TTC39B: variants seen among roughly 807,000 people sequenced by gnomAD.
TTC39B encodes tetratricopeptide repeat protein 39B.
In TTC39B, 92 loss-of-function variants were observed where a neutral mutation model predicts 96.6. The ratio of observed to expected loss-of-function variants is 0.95; its 90% CI spans 0.80 to 1.13. The LOEUF (loss-of-function observed/expected upper bound fraction) is 1.13, where lower values mean the gene tolerates loss of function less well. Ranked by LOEUF, TTC39B falls within the 50% of genes most tolerant of loss-of-function variation. TTC39B has a pLI of 0.00. For synonymous variants in TTC39B, 367 were observed against 299.4 expected, an observed-to-expected ratio of 1.23 and a Z score of -2.33; for missense variants, 955 against 809.3, an observed-to-expected ratio of 1.18 and a Z score of -2.18.
At chr9:15,218,614 T>C (rs907868737) in intron 3 of TTC39B, among the ~76,000 whole-genome samples, 20 of 144,288 alleles carry the variant, frequency 1.4e-4, no homozygotes, top group African/African-American at 5.1e-4. Flanking sequence ...TAAGGCAGGA[T>C]GAATTTTTTA....
chr9:15,199,873 T>C, exon 8 of TTC39B: 1 of 1,530,090 alleles, frequency 6.5e-7, no homozygotes, highest in Non-Finnish European at 9.0e-7. Flanking sequence ...ATATATTTGG[T>C]AACTTGTTCT....
At chr9:15,177,871 T>C in intron 17 of TTC39B, 57 bp from the exon 18 acceptor site, 1 of 569,748 alleles carries the variant, frequency 1.8e-6, no homozygotes, top group Non-Finnish European at 2.4e-6. Flanking sequence ...TTTAAGATCT[T>C]TTTTTTTTTT....
exon 6 of TTC39B, chr9:15,210,088 C>T (rs1440071138): frequency 6.3e-7 from 1 of 1,594,060 alleles, no homozygotes; most frequent in Non-Finnish European, 8.5e-7. Flanking sequence ...TGACTTTTAC[C>T]TTCACTCAGT....
chr9:15,190,830 C>G (rs550505080), intron 10 of TTC39B, among the ~76,000 whole-genome samples, 168 bp from the exon 11 acceptor site: 6 of 152,134 alleles, frequency 3.9e-5, no homozygotes, highest in Non-Finnish European at 8.8e-5. Flanking sequence ...GAGTGAACAT[C>G]ATACTCAACA....
rs547461997 is a variant in TTC39B, at chr9:15,226,947, A to T, written c.276-935T>A. ...CATTAAAAAAAGAGGTAAAGTCATT[A>T]AAAAAAGAGGAGAAGTTTTGCGTGT... is the stretch of plus-strand genomic sequence containing the variant. On this transcript the variant is annotated intron_variant, in intron 2 of 19. Coordinates refer to ENST00000512701, the Ensembl canonical transcript of TTC39B. Among the ~76,000 whole-genome samples the T allele has an allele frequency of 1.2e-4, 19 of 152,248 alleles. No homozygotes were observed. In the South Asian group the frequency reaches 2.3e-3, roughly 18 times the overall value.
exon 20 of TTC39B, chr9:15,171,860 T>C: frequency 2.2e-6 from 1 of 460,348 alleles, no homozygotes; most frequent in Non-Finnish European, 3.8e-6. Flanking sequence ...AAAAATTATG[T>C]AGACCAACAG....
intron 2 of TTC39B, among the ~76,000 whole-genome samples, chr9:15,241,286 T>C (rs1822027411): frequency 6.7e-6 from 1 of 149,518 alleles, no homozygotes; most frequent in South Asian, 2.1e-4. Flanking sequence ...AAATAGAGAA[T>C]GCAAGGTTAA....
intron 2 of TTC39B, among the ~76,000 whole-genome samples, chr9:15,246,239 G>C (rs1822269813): frequency 6.6e-6 from 1 of 152,150 alleles, no homozygotes; most frequent in African/African-American, 2.4e-5. Context: ...GGCAACCAGA[G>C]TGACAGGAAA....
chr9:15,229,663 A>T (rs1405926076), intron 2 of TTC39B, among the ~76,000 whole-genome samples: 1 of 152,180 alleles, frequency 6.6e-6, no homozygotes, highest in African/African-American at 2.4e-5. Context: ...ATACTGGATT[A>T]TTCTGCAATC....
At chr9:15,189,470 C>A in intron 13 of TTC39B, 104 bp downstream of exon 13, 1 of 1,196,604 alleles carries the variant, frequency 8.4e-7, no homozygotes, top group Non-Finnish European at 1.2e-6. Context: ...TTTGTCTAGT[C>A]CATATAGCCA....
chr9:15,202,788 TTC>T (rs1396426993), intron 7 of TTC39B, among the ~76,000 whole-genome samples: 1 of 151,958 alleles, frequency 6.6e-6, no homozygotes, highest in African/African-American at 2.4e-5. Flanking sequence ...ACAGCTGAAT[TTC>T]TTTCTGATTT....
chr9:15,251,652 T>C (rs1822543123), intron 2 of TTC39B, among the ~76,000 whole-genome samples: 1 of 143,590 alleles, frequency 7.0e-6, no homozygotes, highest in South Asian at 2.3e-4. Context: ...TCTTCCTCTC[T>C]ATATATATAC....
chr9:15,236,771 T>C (rs1821800405), intron 2 of TTC39B, among the ~76,000 whole-genome samples: 2 of 152,104 alleles, frequency 1.3e-5, no homozygotes, highest in African/African-American at 4.8e-5. Flanking sequence ...TTCTTTTAAA[T>C]GAATGAAAAC....
chr9:15,219,391 ACTTTGCTCATAATCTGATGAC>A (rs1393836779), intron 3 of TTC39B, among the ~76,000 whole-genome samples: 1 of 152,222 alleles, frequency 6.6e-6, no homozygotes, highest in African/African-American at 2.4e-5. Context: ...GTTTCTCTGC[ACTTTGCTCATAATCTGATGAC>A]CTTCTACTAT....
chr9:15,170,639 T>G (rs150185313), exon 20 of TTC39B: 1 of 152,196 alleles, frequency 6.6e-6, no homozygotes, highest in Non-Finnish European at 1.5e-5. Flanking sequence ...CCCACAGAGA[T>G]GAACTCGTGA....
intron 1 of TTC39B, 21 bp downstream of exon 1, chr9:15,307,063 G>A (rs371407021): frequency 1.2e-6 from 2 of 1,607,316 alleles, no homozygotes; most frequent in South Asian, 2.2e-5. Flanking sequence ...GGCCGGGCCC[G>A]CAATCCCCAT....
intron 2 of TTC39B, among the ~76,000 whole-genome samples, chr9:15,259,638 T>C (rs1161447631): frequency 6.6e-6 from 1 of 152,206 alleles, no homozygotes; most frequent in East Asian, 1.9e-4. Flanking sequence ...AGGAATGAAG[T>C]GCAGATGGTC....
chr9:15,296,854 A>T (rs10121612), intron 1 of TTC39B, among the ~76,000 whole-genome samples: 2 of 152,110 alleles, frequency 1.3e-5, no homozygotes, highest in South Asian at 2.1e-4. Flanking sequence ...CTGTAGTCTC[A>T]GCACTTTGAG....
exon 12 of TTC39B, chr9:15,189,749 T>C (rs750435177): frequency 1.2e-6 from 2 of 1,613,690 alleles, no homozygotes; most frequent in Admixed American, 1.7e-5. Context: ...GGAGGAAGGG[T>C]GCCAGGAGAC....
Sources: gnomAD v4.1 joint callset for allele counts (sites outside exome capture counted in the v4.1 genomes callset) on GRCh38, gnomAD v4.1.1 for gene constraint, MANE v1.5 for transcripts, NCBI Gene and HGNC (gene_info 2026-07-23, HGNC 2026-07-21) for gene names.